Variants in MMP10 observed in about 807,000 individuals in gnomAD.
MMP10 encodes stromelysin-2.
A neutral mutation model predicts 49.1 loss-of-function variants in MMP10; 50 were observed. The ratio of observed to expected loss-of-function variants is 1.02; its 90% CI spans 0.81 to 1.29. The LOEUF (loss-of-function observed/expected upper bound fraction) is 1.29. MMP10 is among the 50% of genes most tolerant of loss of function. MMP10 has a pLI of 0.00. For missense variants in MMP10, 613 were observed against 563.8 expected, an observed-to-expected ratio of 1.09 and a Z score of -0.88; for synonymous variants, 229 against 201.6, an observed-to-expected ratio of 1.14 and a Z score of -1.15.
chr11:102,778,101 A>T (rs371419602), intron 4 of MMP10, among the ~76,000 whole-genome samples: 1 of 152,322 alleles, frequency 6.6e-6, no homozygotes, highest in African/African-American at 2.4e-5. Context: ...AGTGTTTCCA[A>T]GCCAATTTAG....
In MMP10 at chr11:102,772,702, G is replaced by T; in HGVS notation, c.1226+145C>A. ...GAGAGGCCTTTGTATCCGGAAGGTAGAACAATAAGCTGTCTTCCTCATAAT... is the reference window on the plus strand; with the variant it reads ...GAGAGGCCTTTGTATCCGGAAGGTATAACAATAAGCTGTCTTCCTCATAAT... On this transcript the variant is annotated intron_variant, in intron 8 of 9. Coordinates refer to ENST00000279441, the MANE Select transcript of MMP10 (RefSeq NM_002425.3). The surrounding 1 kb of genome is among the most constrained non-coding windows in gnomAD (Gnocchi z 4.4). The T allele has an allele frequency of 1.2e-6, 1 of 822,632 alleles. No homozygotes were observed. Among genetic ancestry groups the T allele is most frequent in the Non-Finnish European group, 1.9e-6 (1 of 537,386 alleles). 51.0% of individuals were successfully genotyped at this position (822,632 alleles called of 1,614,324 possible).
intron 3 of MMP10, 90 bp downstream of exon 3, chr11:102,779,123 G>A: frequency 6.6e-7 from 1 of 1,526,456 alleles, no homozygotes; most frequent in South Asian, 1.3e-5. Context: ...ATAAATTTCT[G>A]TTGTTTATAA....
At chr11:102,779,188 A>G in intron 3 of MMP10, 25 bp downstream of exon 3, 2 of 1,611,386 alleles carry the variant, frequency 1.2e-6, no homozygotes, top group Non-Finnish European at 1.7e-6. Flanking sequence ...AATACACCAG[A>G]TAAATGGATG....
intron 4 of MMP10, among the ~76,000 whole-genome samples, chr11:102,777,027 T>C (rs1277020063): frequency 6.6e-6 from 1 of 152,166 alleles, no homozygotes; most frequent in Non-Finnish European, 1.5e-5. Flanking sequence ...TCAGGAAAAC[T>C]AAGACACTTT....
intron 6 of MMP10, 109 bp from the exon 7 acceptor site, chr11:102,775,430 T>A: frequency 2.5e-6 from 2 of 809,128 alleles, no homozygotes; most frequent in Non-Finnish European, 3.7e-6. Context: ...AAGTCTGTAT[T>A]AAACCATCCT....
rs750687525 is a variant in MMP10, at chr11:102,779,506, G to T, written c.345C>A (p.Tyr115Ter). The change falls in exon 2 of 10, where the codon TAC (tyrosine) becomes TAA (stop). Residue 115 changes from tyrosine to a stop codon, truncating the protein, a stop_gained and splice_region_variant. Coordinates refer to ENST00000279441, the MANE Select transcript of MMP10 (RefSeq NM_002425.3). LOFTEE classifies it high-confidence loss of function. Reference protein sequence around the residue: ...MPKWRKTHLTYRIVNYTPDLP... With the variant: ...MPKWRKTHLT Reference sequence around the variant, plus strand: ...TGAAAACTAATCTGAACCATTACCTGTATGTAAGGTGGGTTTTCCTCCACT... The same window carrying T: ...TGAAAACTAATCTGAACCATTACCTTTATGTAAGGTGGGTTTTCCTCCACT... 1 of 1,613,924 alleles carries T rather than the reference G, an allele frequency of 6.2e-7. No homozygotes were observed. The highest frequency in any genetic ancestry group is 8.5e-7 in the Non-Finnish European group (1 of 1,180,018).
intron 1 of MMP10, 62 bp from the exon 2 acceptor site, chr11:102,779,807 T>C: frequency 5.2e-6 from 8 of 1,527,308 alleles, no homozygotes; most frequent in Non-Finnish European, 7.1e-6. Context: ...CCAACTTTTA[T>C]AATCCATCGT....
At position 102,776,281 on chromosome 11, in the gene MMP10, T is replaced by C. The variant is rs1227589109; in HGVS notation, c.931A>G (p.Arg311Gly). The C allele has an allele frequency of 1.2e-6, 2 of 1,612,858 alleles. No individual in the cohort carries two copies. Among genetic ancestry groups the C allele is most frequent in the South Asian group, 1.1e-5 (1 of 90,708 alleles). ...GAAAATATAATTTTCTGGTCTGACC[T>C]GTCTTTAAAGAACAGATATTCTCCC... ...LRGEYLFFKD[R>G]YFWRRSHWNP... is the part of the protein sequence containing the mutation. The change falls in exon 6 of 10, where the codon AGA (arginine) becomes GGA (glycine). Residue 311 changes from arginine (R) to glycine (G), a missense_variant and splice_region_variant. Physicochemically the swap from Arg to Gly is moderately radical, Grantham distance 125 (BLOSUM62 -2). Coordinates refer to ENST00000279441, the MANE Select transcript of MMP10 (RefSeq NM_002425.3).
rs1857814692 is a variant in MMP10 at position 102,780,525 on chromosome 11, C to T, written c.67G>A (p.Ala23Thr). 5 of 1,613,942 alleles carry T rather than the reference C, an allele frequency of 3.1e-6. No homozygotes were observed. The highest frequency in any genetic ancestry group is 1.3e-5 in the African/African-American group (1 of 75,036). ...PVCSAYPLSGAAKEEDSNKDL... is the reference protein window; with the variant it reads ...PVCSAYPLSGTAKEEDSNKDL... ...TTGTTGGAGTCCTCCTCTTTTGCTG[C>T]CCCACTCAGAGGATAGGCAGAGCAG... The change falls in exon 1 of 10, where the codon GCA becomes ACA. Residue 23 changes from alanine (A) to threonine (T), a missense_variant. Coordinates refer to ENST00000279441, the MANE Select transcript of MMP10 (RefSeq NM_002425.3).
chr11:102,778,983 A>C (rs894786353), intron 3 of MMP10, among the ~76,000 whole-genome samples: 15 of 152,230 alleles, frequency 9.9e-5, no homozygotes, highest in African/African-American at 3.1e-4. Context: ...AAGAAGCTTG[A>C]GGGAACCTCC....
At chr11:102,779,109 A>T in intron 3 of MMP10, 104 bp downstream of exon 3, 1 of 1,492,404 alleles carries the variant, frequency 6.7e-7, no homozygotes, top group Non-Finnish European at 9.0e-7. Context: ...CAGAATTGTG[A>T]GCAATAAATT....
Position 102,779,309 on chromosome 11 carries a change from C to T in MMP10, c.400G>A (p.Glu134Lys), listed in dbSNP as rs142065601. The change falls in exon 3 of 10, where the codon GAG becomes AAG. Residue 134 changes from glutamate to lysine, a missense_variant. Transcript: ENST00000279441. Reference protein sequence around the residue: ...LPRDAVDSAIEKALKVWEEVT... With the variant: ...LPRDAVDSAIKKALKVWEEVT... ...TCTTCCCAGACTTTCAGAGCTTTCT[C>T]AATGGCAGAATCAACAGCATCTCTT... 68 of 1,614,006 alleles carry T rather than the reference C, an allele frequency of 4.2e-5. No homozygotes were observed. The Middle Eastern group carries it at 6.6e-4, about 16-fold the overall frequency.
intron 3 of MMP10, 25 bp from the exon 4 acceptor site, chr11:102,778,774 AT>A: frequency 6.2e-7 from 1 of 1,612,198 alleles, no homozygotes. Flanking sequence ...ATTAATGGAA[AT>A]ATAAGTGTTC....
intron 7 of MMP10, among the ~76,000 whole-genome samples, chr11:102,774,167 A>G (rs1862000172): frequency 6.6e-6 from 1 of 152,248 alleles, no homozygotes; most frequent in South Asian, 2.1e-4. Flanking sequence ...TTAAAATTGA[A>G]CAAAATGAAA....
At chr11:102,775,054 T>C (rs1310633331) in intron 7 of MMP10, 134 bp downstream of exon 7, 2 of 615,280 alleles carry the variant, frequency 3.3e-6, no homozygotes, top group Non-Finnish European at 4.9e-6. Flanking sequence ...ATGTTCTTTG[T>C]ACAAATTTTA....
intron 3 of MMP10, 115 bp from the exon 4 acceptor site, chr11:102,778,864 A>T: frequency 1.6e-6 from 2 of 1,263,722 alleles, no homozygotes; most frequent in Non-Finnish European, 1.1e-6. Context: ...GCAAATTCAT[A>T]TGTTGAAACT....
rs1336968918 is a variant in MMP10 at position 102,776,418 on chromosome 11, G to A, written c.794C>T (p.Pro265Leu). 1 of 1,613,332 alleles carries A rather than the reference G, an allele frequency of 6.2e-7. No homozygotes were observed. Among genetic ancestry groups the A allele is most frequent in the African/African-American group, 1.3e-5 (1 of 74,948 alleles). ...VNGIQSLYGP[P>L]PASTEEPLVP... ...CAGGGGTTCCTCAGTAGAGGCAGGGGGAGGTCCTAAAGGAAACAGATTTGG... is the reference window on the plus strand; with the variant it reads ...CAGGGGTTCCTCAGTAGAGGCAGGGAGAGGTCCTAAAGGAAACAGATTTGG... Residue 265 changes from proline (P) to leucine (L), a missense_variant, in exon 6 of 10, where the codon CCC becomes CTC. Coordinates refer to ENST00000279441, the MANE Select transcript of MMP10 (RefSeq NM_002425.3).
In MMP10 at chr11:102,780,514, C is replaced by T. The variant is rs371965135; in HGVS notation, c.78G>A (p.Glu26=). The T allele has an allele frequency of 1.2e-6, 2 of 1,613,942 alleles. No individual in the cohort carries two copies. Among genetic ancestry groups the T allele is most frequent in the African/African-American group, 1.3e-5 (1 of 75,046 alleles). The change falls in exon 1 of 10, where the codon GAG becomes GAA. Residue 26 remains glutamate (E), a synonymous_variant. Coordinates refer to ENST00000279441, the MANE Select transcript of MMP10 (RefSeq NM_002425.3). The part of the protein sequence containing the change: ...SAYPLSGAAK[E]EDSNKDLAQQ... ...GGGCAAGATCCTTGTTGGAGTCCTCCTCTTTTGCTGCCCCACTCAGAGGAT... is the reference window on the plus strand; with the variant it reads ...GGGCAAGATCCTTGTTGGAGTCCTCTTCTTTTGCTGCCCCACTCAGAGGAT...
intron 5 of MMP10, 31 bp downstream of exon 5, chr11:102,776,581 T>G (rs369940665): frequency 6.2e-7 from 1 of 1,600,178 alleles, no homozygotes; most frequent in Admixed American, 1.8e-5. Context: ...ATTGTAGATC[T>G]GCAATGCCTA....
Sources: allele counts gnomAD v4.1 joint callset (sites outside exome capture counted in the v4.1 genomes callset), GRCh38; gene constraint gnomAD v4.1.1; non-coding constraint Gnocchi (gnomAD v3.1); transcripts MANE v1.5; gene names NCBI Gene and HGNC (gene_info 2026-07-23, HGNC 2026-07-21).